DPP10: variants seen among roughly 807,000 people sequenced by gnomAD.
DPP10 encodes the protein inactive dipeptidyl peptidase 10.
Under a neutral mutation model 120.9 loss-of-function variants are expected in DPP10, and 33 were observed. That is an observed-to-expected ratio of 0.27 (90% confidence interval 0.21 to 0.37). The LOEUF (loss-of-function observed/expected upper bound fraction) is 0.37, where lower values mean the gene tolerates loss of function less well. Ranked by LOEUF, DPP10 falls within the 10% of genes least tolerant of loss-of-function variation. The pLI, the probability that DPP10 is intolerant of heterozygous loss-of-function variation, is 1.00. For missense variants in DPP10, 816 were observed against 942.8 expected (o/e 0.87, Z 1.76); for synonymous variants, 337 against 326.1 (o/e 1.03, Z -0.36).
intron 5 of DPP10, among the ~76,000 whole-genome samples, chr2:115,556,936 T>C (rs1270965346): frequency 6.6e-6 from 1 of 152,114 alleles, no homozygotes; most frequent in Non-Finnish European, 1.5e-5. Flanking sequence ...GATAATAAGA[T>C]ATTGTGACAT....
chr2:115,140,604 C>T (rs2050878283), intron 1 of DPP10, among the ~76,000 whole-genome samples: 1 of 152,152 alleles, frequency 6.6e-6, no homozygotes, highest in Non-Finnish European at 1.5e-5. Context: ...CAAGCTGTTG[C>T]AACAATTCAG....
chr2:114,794,578 G>GAA (rs1431910514), intron 1 of DPP10, among the ~76,000 whole-genome samples: 7 of 152,162 alleles, frequency 4.6e-5, no homozygotes, highest in Non-Finnish European at 7.4e-5. Flanking sequence ...AATGATTTGG[G>GAA]AAAGTTTTGT....
intron 1 of DPP10, among the ~76,000 whole-genome samples, chr2:115,188,481 A>G (rs990016415): frequency 6.6e-6 from 1 of 152,208 alleles, no homozygotes; most frequent in Non-Finnish European, 1.5e-5. Context: ...TTTTAAGCCT[A>G]TAGAGATATT....
intron 1 of DPP10, among the ~76,000 whole-genome samples, chr2:114,899,243 C>A (rs1193820110): frequency 6.6e-6 from 1 of 151,804 alleles, no homozygotes; most frequent in African/African-American, 2.4e-5. Flanking sequence ...TTTCTAGAGG[C>A]AGCTAGACAG....
intron 3 of DPP10, chr2:115,468,573 T>C (rs984873359): frequency 7.4e-6 from 3 of 405,722 alleles, no homozygotes; most frequent in Admixed American, 6.1e-5. Flanking sequence ...GCTAATGTGG[T>C]TGATGGTGGC....
At chr2:114,980,703 C>T (rs1700028746) in intron 1 of DPP10, among the ~76,000 whole-genome samples, 3 of 151,462 alleles carry the variant, frequency 2.0e-5, no homozygotes, top group South Asian at 4.2e-4. Flanking sequence ...AAAACACAAT[C>T]CCAGGTTCAA....
At chr2:115,778,739 C>A (rs867759604) in intron 15 of DPP10, among the ~76,000 whole-genome samples, 2 of 152,058 alleles carry the variant, frequency 1.3e-5, no homozygotes, top group Non-Finnish European at 2.9e-5. Context: ...CTCTGCATCA[C>A]CCCCACACTC....
intron 1 of DPP10, among the ~76,000 whole-genome samples, chr2:114,472,327 T>G (rs754622868): frequency 6.6e-6 from 1 of 152,228 alleles, no homozygotes; most frequent in South Asian, 2.1e-4. Context: ...TCTCATGTCC[T>G]TGAGGAGCCA....
intron 1 of DPP10, among the ~76,000 whole-genome samples, chr2:115,069,200 G>A (rs1401721331): frequency 1.3e-5 from 2 of 151,820 alleles, no homozygotes; most frequent in Admixed American, 1.3e-4. Flanking sequence ...GTTTATTTGT[G>A]TCTTCTTCAA....
intron 1 of DPP10, among the ~76,000 whole-genome samples, chr2:115,179,058 A>G (rs534470397): frequency 6.6e-6 from 1 of 152,200 alleles, no homozygotes; most frequent in South Asian, 2.1e-4. Context: ...TATCCCCAGC[A>G]TTAGACTCAA....
chr2:115,312,848 G>C (rs2061638181), intron 2 of DPP10, among the ~76,000 whole-genome samples: 1 of 152,118 alleles, frequency 6.6e-6, no homozygotes, highest in Non-Finnish European at 1.5e-5. Flanking sequence ...ATGTCAGGAG[G>C]GGAAGCTTCT....
In DPP10 at chr2:115,178,044, G is replaced by T. The variant is rs532651485; in HGVS notation, c.61-131195G>T. On this transcript the variant is annotated intron_variant, in intron 1 of 25. Coordinates refer to ENST00000410059, the MANE Select transcript of DPP10 (RefSeq NM_020868.6). ...TCCCAAAGTGACATTGCTTTTTTTT[G>T]ATAAAAACCTTGATATTATCAAAAT... is the stretch of plus-strand genomic sequence containing the variant. Among the ~76,000 whole-genome samples the T allele has an allele frequency of 1.4e-3, 218 of 152,032 alleles. 1 individual carries two copies. Among genetic ancestry groups the T allele is most frequent in the Non-Finnish European group, 2.8e-3 (189 of 67,958 alleles).
intron 1 of DPP10, among the ~76,000 whole-genome samples, chr2:115,205,938 C>A: frequency 6.6e-6 from 1 of 152,120 alleles, no homozygotes; most frequent in East Asian, 1.9e-4. Flanking sequence ...TGCTCACTAC[C>A]TGGGTGATGG....
At chr2:115,814,040 T>G (rs1261597024) in intron 19 of DPP10, among the ~76,000 whole-genome samples, 4 of 152,198 alleles carry the variant, frequency 2.6e-5, no homozygotes, top group Non-Finnish European at 4.4e-5. Context: ...TTCTAGAAAA[T>G]TAACTAATAA....
At chr2:114,589,922 A>G (rs1271678257) in intron 1 of DPP10, among the ~76,000 whole-genome samples, 1 of 152,070 alleles carries the variant, frequency 6.6e-6, no homozygotes, top group African/African-American at 2.4e-5. Flanking sequence ...GCATTTATCA[A>G]GTATATCTAC....
chr2:115,191,198 G>A (rs766866187), intron 1 of DPP10, among the ~76,000 whole-genome samples: 45 of 152,334 alleles, frequency 3.0e-4, no homozygotes, highest in Middle Eastern at 3.4e-3. Flanking sequence ...ATGAATATAT[G>A]TGGTTTTAAG....
intron 3 of DPP10, among the ~76,000 whole-genome samples, chr2:115,386,814 A>C (rs780598318): frequency 1.2e-4 from 18 of 152,084 alleles, no homozygotes; most frequent in Admixed American, 1.1e-3. Flanking sequence ...TTCGGGGGTG[A>C]CATATATTGT....
At chr2:114,815,209 A>G (rs1685526679) in intron 1 of DPP10, among the ~76,000 whole-genome samples, 1 of 152,198 alleles carries the variant, frequency 6.6e-6, no homozygotes, top group South Asian at 2.1e-4. Context: ...TTACATTTGC[A>G]TACAGGTCAG....
At chr2:114,471,839 C>A (rs566446058) in intron 1 of DPP10, among the ~76,000 whole-genome samples, 9 of 152,204 alleles carry the variant, frequency 5.9e-5, no homozygotes, top group African/African-American at 2.2e-4. Context: ...AAGAGAAGCA[C>A]TAGAAACATA....
Sources: allele counts gnomAD v4.1 joint callset (sites outside exome capture counted in the v4.1 genomes callset), GRCh38; gene constraint gnomAD v4.1.1; transcripts MANE v1.5; gene names NCBI Gene and HGNC (gene_info 2026-07-23, HGNC 2026-07-21).